ERBB4: variants seen among roughly 807,000 people sequenced by gnomAD.
ERBB4 encodes the protein erb-b2 receptor tyrosine kinase 4, also known as receptor tyrosine-protein kinase erbB-4.
In ERBB4, 42 loss-of-function variants were observed where a neutral mutation model predicts 158.0. That is an observed-to-expected ratio of 0.27 (90% CI 0.21 to 0.34). The LOEUF is 0.34. ERBB4 is among the 10% of genes least tolerant of loss of function. ERBB4 has a pLI of 1.00. For synonymous variants in ERBB4, 583 were observed against 558.7 expected, an observed-to-expected ratio of 1.04 and a Z score of -0.61; for missense variants, 1,333 against 1,624.1, an observed-to-expected ratio of 0.82 and a Z score of 3.08.
At chr2:211,858,886 A>G (rs2077940635) in intron 3 of ERBB4, among the ~76,000 whole-genome samples, 1 of 152,078 alleles carries the variant, frequency 6.6e-6, no homozygotes, top group Admixed American at 6.5e-5. Context: ...CGTTCAAGCG[A>G]TTCTCCTGCC....
chr2:212,451,812 A>T (rs1398625537), intron 1 of ERBB4, among the ~76,000 whole-genome samples: 1 of 152,190 alleles, frequency 6.6e-6, no homozygotes, highest in Admixed American at 6.6e-5. Context: ...AGACTTAAGC[A>T]TACATTCCTT....
chr2:212,278,479 T>A (rs561769541), intron 1 of ERBB4, among the ~76,000 whole-genome samples: 2 of 151,788 alleles, frequency 1.3e-5, no homozygotes, highest in South Asian at 4.1e-4. Flanking sequence ...AGATTTAGAA[T>A]GTCACATAGA....
At chr2:211,828,294 G>A (rs375081755) in intron 3 of ERBB4, among the ~76,000 whole-genome samples, 5 of 152,018 alleles carry the variant, frequency 3.3e-5, no homozygotes, top group Admixed American at 6.6e-5. Flanking sequence ...GTGTAGTTAC[G>A]TATTAACGAG....
chr2:212,122,540 G>C (rs1382441371), intron 2 of ERBB4, among the ~76,000 whole-genome samples: 2 of 151,992 alleles, frequency 1.3e-5, no homozygotes, highest in Non-Finnish European at 2.9e-5. Flanking sequence ...TTTTGTAAAA[G>C]AAACAGCTTA....
At chr2:212,523,713 G>A (rs1227702754) in intron 1 of ERBB4, among the ~76,000 whole-genome samples, 1 of 151,832 alleles carries the variant, frequency 6.6e-6, no homozygotes, top group Non-Finnish European at 1.5e-5. Context: ...AAAGATACTT[G>A]GGCACAGTGT....
intron 3 of ERBB4, among the ~76,000 whole-genome samples, chr2:211,919,083 A>C (rs566918145): frequency 4.6e-5 from 7 of 152,182 alleles, no homozygotes; most frequent in South Asian, 2.1e-4. Context: ...GTTCCTTACA[A>C]ATATCTTATT....
At chr2:212,240,654 AAAAAAAAAAAAAAC>A in intron 1 of ERBB4, among the ~76,000 whole-genome samples, 1 of 147,368 alleles carries the variant, frequency 6.8e-6, no homozygotes, top group African/African-American at 2.6e-5. Context: ...AAAAAAAAAA[AAAAAAAAAAAAAAC>A]AGAAAAAAAA....
At chr2:211,810,925 C>T (rs1559538959) in intron 3 of ERBB4, among the ~76,000 whole-genome samples, 1 of 152,032 alleles carries the variant, frequency 6.6e-6, no homozygotes, top group Non-Finnish European at 1.5e-5. Context: ...CCACCCGCCT[C>T]GGCCTCCCAA....
chr2:212,226,412 G>GGC (rs1553601620), intron 1 of ERBB4, among the ~76,000 whole-genome samples: 19 of 151,368 alleles, frequency 1.3e-4, no homozygotes, highest in East Asian at 5.8e-4. Context: ...TAAAGACATG[G>GGC]GGGGGGGTTT....
At chr2:212,075,663 G>A (rs2078252929) in intron 2 of ERBB4, among the ~76,000 whole-genome samples, 1 of 151,844 alleles carries the variant, frequency 6.6e-6, no homozygotes, top group Non-Finnish European at 1.5e-5. Flanking sequence ...TGAATGTAGA[G>A]AAACACATAA....
At chr2:211,617,204 A>G (rs1002563572) in intron 19 of ERBB4, among the ~76,000 whole-genome samples, 4 of 152,132 alleles carry the variant, frequency 2.6e-5, no homozygotes, top group African/African-American at 9.6e-5. Flanking sequence ...AGCCTCCAGC[A>G]GAGATTATTA....
rs1369428142 is a variant in ERBB4, at chr2:211,379,309, G to A, written c.*4306C>T. On this transcript the variant is annotated 3_prime_UTR_variant, in exon 28 of 28. Transcript: ENST00000342788. ...CTTGAAGACCCTTACTTAGTCATAT[G>A]TAACATGTTTGCCTATTAAATTCTG... is the stretch of plus-strand genomic sequence containing the variant. 1.8e-5 allele frequency: 4 copies of A among 226,192 alleles called. No homozygotes were observed. Among genetic ancestry groups the A allele is most frequent in the Non-Finnish European group, 1.7e-5 (2 of 114,362 alleles). The allele number at this position is 226,192 out of a possible 1,614,324, so 14.0% of individuals were successfully genotyped here. A position where few individuals can be genotyped will look rare whatever the true frequency, so the allele number is the denominator to read the frequency against.
At chr2:211,866,095 C>CA (rs1167054408) in intron 3 of ERBB4, among the ~76,000 whole-genome samples, 1 of 151,974 alleles carries the variant, frequency 6.6e-6, no homozygotes, top group Non-Finnish European at 1.5e-5. Flanking sequence ...ACTAAAAATA[C>CA]AAAAAATTAA....
chr2:211,462,218 C>G (rs1212727642), intron 20 of ERBB4, among the ~76,000 whole-genome samples: 1 of 151,758 alleles, frequency 6.6e-6, no homozygotes, highest in East Asian at 1.9e-4. Context: ...GGCAGGGGTG[C>G]TACACACTTT....
chr2:211,677,524 T>C (rs1380775824), intron 13 of ERBB4, among the ~76,000 whole-genome samples: 4 of 146,938 alleles, frequency 2.7e-5, no homozygotes, highest in Non-Finnish European at 4.5e-5. Context: ...GATCAGGCCA[T>C]TGCACTCCAG....
chr2:212,028,443 G>A (rs1452903224), intron 2 of ERBB4, among the ~76,000 whole-genome samples: 5 of 152,100 alleles, frequency 3.3e-5, no homozygotes, highest in African/African-American at 1.2e-4. Flanking sequence ...GAAAAGGTTT[G>A]ACTTTTAAGT....
At chr2:211,802,312 T>G (rs1399504112) in intron 3 of ERBB4, among the ~76,000 whole-genome samples, 1 of 151,712 alleles carries the variant, frequency 6.6e-6, no homozygotes, top group Non-Finnish European at 1.5e-5. Flanking sequence ...GGAATGCTAA[T>G]AAGAGTACCA....
rs34029473 is a variant in ERBB4, at chr2:212,146,986, C to CTTTTTTTTT, written c.83-22092_83-22084dup. Among the ~76,000 whole-genome samples, 24 of 77,448 alleles carry CTTTTTTTTT rather than the reference C, an allele frequency of 3.1e-4. 2 individuals carry two copies. Among genetic ancestry groups the CTTTTTTTTT allele is most frequent in the Middle Eastern group, 0.012 (1 of 84 alleles). The allele number at this position is 77,448 out of a possible 152,430, so 50.8% of individuals were successfully genotyped here. ...GAGAAGCTCTGTTGTCATTGTTAGA[C>CTTTTTTTTT]TTTTTTTTTTTTTTTTTTTTTTGAG... On this transcript the variant is annotated intron_variant, in intron 1 of 27. Transcript: ENST00000342788.
At chr2:211,474,868 G>C (rs535671085) in intron 20 of ERBB4, among the ~76,000 whole-genome samples, 1 of 151,974 alleles carries the variant, frequency 6.6e-6, no homozygotes, top group South Asian at 2.1e-4. Flanking sequence ...ATGTGAAGGA[G>C]CCAGAGAAGT....
Sources: gnomAD v4.1 joint callset for allele counts (sites outside exome capture counted in the v4.1 genomes callset) on GRCh38, gnomAD v4.1.1 for gene constraint, MANE v1.5 for transcripts, NCBI Gene and HGNC (gene_info 2026-07-23, HGNC 2026-07-21) for gene names.